Variants in MGAT4C observed in about 807,000 individuals in gnomAD.
MGAT4C encodes the protein alpha-1,3-mannosyl-glycoprotein 4-beta-N-acetylglucosaminyltransferase C.
Under a neutral mutation model 40.1 loss-of-function variants are expected in MGAT4C, and 19 were observed. The ratio of observed to expected loss-of-function variants is 0.47; its 90% CI spans 0.33 to 0.70. The LOEUF (loss-of-function observed/expected upper bound fraction) is 0.70. Ranked by LOEUF, MGAT4C falls within the 30% of genes least tolerant of loss-of-function variation. The pLI is 0.02. For synonymous variants in MGAT4C, 181 were observed against 187.1 expected, an observed-to-expected ratio of 0.97 and a Z score of 0.27; for missense variants, 491 against 563.2, an observed-to-expected ratio of 0.87 and a Z score of 1.30.
intron 1 of MGAT4C, among the ~76,000 whole-genome samples, chr12:86,082,229 A>G (rs576435245): frequency 6.6e-6 from 1 of 152,316 alleles, no homozygotes; most frequent in South Asian, 2.1e-4. Context: ...TAAACAGTCT[A>G]GATGACCTTA....
intron 3 of MGAT4C, among the ~76,000 whole-genome samples, chr12:86,430,585 T>G (rs752855750): frequency 2.0e-5 from 3 of 152,026 alleles, no homozygotes; most frequent in African/African-American, 7.2e-5. Context: ...GGCTATAAAG[T>G]GGAGTTGCTG....
At chr12:86,045,854 ATTTACC>A (rs1892353296) in intron 2 of MGAT4C, among the ~76,000 whole-genome samples, 1 of 152,200 alleles carries the variant, frequency 6.6e-6, no homozygotes, top group Non-Finnish European at 1.5e-5. Flanking sequence ...CTCAAGTAAT[ATTTACC>A]TTTTTTATTG....
At chr12:86,366,328 A>ATTAAT (rs1414544004) in intron 3 of MGAT4C, among the ~76,000 whole-genome samples, 1 of 152,234 alleles carries the variant, frequency 6.6e-6, no homozygotes, top group Non-Finnish European at 1.5e-5. Flanking sequence ...TCATCATTAA[A>ATTAAT]GAGAGAAATT....
intron 2 of MGAT4C, among the ~76,000 whole-genome samples, chr12:86,640,072 T>A (rs1001861521): frequency 1.3e-5 from 2 of 151,740 alleles, no homozygotes; most frequent in African/African-American, 4.8e-5. Context: ...TTTCTAATTA[T>A]TCAAAAAGAA....
At chr12:86,468,876 T>C (rs924433394) in intron 2 of MGAT4C, among the ~76,000 whole-genome samples, 1 of 152,178 alleles carries the variant, frequency 6.6e-6, no homozygotes, top group African/African-American at 2.4e-5. Flanking sequence ...TGTTGTAAAT[T>C]ACATTTTTAA....
chr12:86,153,457 C>A (rs982249271), intron 1 of MGAT4C, among the ~76,000 whole-genome samples: 1 of 152,130 alleles, frequency 6.6e-6, no homozygotes. Flanking sequence ...TTATAAGTTA[C>A]GAAAACAGTT....
At chr12:86,563,243 T>C (rs543822242) in intron 2 of MGAT4C, among the ~76,000 whole-genome samples, 65 of 152,232 alleles carry the variant, frequency 4.3e-4, no homozygotes, top group East Asian at 2.3e-3. Context: ...ATGGGAATAA[T>C]TGGATCCCAA....
At chr12:86,474,376 G>A (rs940600014) in intron 2 of MGAT4C, among the ~76,000 whole-genome samples, 8 of 122,458 alleles carry the variant, frequency 6.5e-5, no homozygotes, top group African/African-American at 2.4e-4. Flanking sequence ...GCTGTGGGGT[G>A]GGGGGAGGGG....
intron 1 of MGAT4C, among the ~76,000 whole-genome samples, chr12:86,194,627 TTTTTTTTTG>T (rs1235683665): frequency 6.6e-5 from 10 of 151,866 alleles, no homozygotes; most frequent in African/African-American, 2.4e-4. Flanking sequence ...ACTAATTTTT[TTTTTTTTTG>T]TATTTTTAGT....
In MGAT4C at chr12:86,512,239, G is replaced by T. The variant is rs375493037; in HGVS notation, c.-228-76974C>A. On this transcript the variant is annotated intron_variant, in intron 2 of 7. Transcript: ENST00000548651. ...ATGATATATCACCTTACACCTGTTA[G>T]GACTACCATTATTAAATAACAGATT... is the stretch of plus-strand genomic sequence containing the variant. 9.9e-5 allele frequency among the ~76,000 whole-genome samples: 15 copies of T among 152,134 alleles called. No homozygotes were observed. The South Asian group carries it at 3.1e-3, about 32-fold the overall frequency.
At chr12:86,284,563 T>C (rs1225789796) in intron 4 of MGAT4C, among the ~76,000 whole-genome samples, 1 of 152,002 alleles carries the variant, frequency 6.6e-6, no homozygotes, top group African/African-American at 2.4e-5. Flanking sequence ...CCCTTATGTT[T>C]ATTATGACTT....
At chr12:86,177,344 T>C (rs960749957) in intron 1 of MGAT4C, among the ~76,000 whole-genome samples, 5 of 152,320 alleles carry the variant, frequency 3.3e-5, no homozygotes, top group Admixed American at 6.5e-5. Context: ...ATGTATGATG[T>C]GTTTTCACTA....
chr12:86,247,414 A>C (rs1952082771), intron 1 of MGAT4C, among the ~76,000 whole-genome samples: 1 of 152,186 alleles, frequency 6.6e-6, no homozygotes, highest in Non-Finnish European at 1.5e-5. Flanking sequence ...CTGGAGGTTC[A>C]GTGCTGATTC....
In MGAT4C at chr12:85,960,512, A is replaced by G. The variant is rs1289181127; in HGVS notation, c.*18777T>C. The stretch of plus-strand genomic sequence containing the variant: ...AATTAGCATGTGACATGCTCTCAGC[A>G]AATCAATTAATCCTTCATTCTTTTT... On this transcript the variant is annotated 3_prime_UTR_variant, in exon 5 of 5. Transcript: ENST00000611864. 1.3e-5 allele frequency: 2 copies of G among 152,068 alleles called. No homozygotes were observed. Among genetic ancestry groups the G allele is most frequent in the African/African-American group, 4.8e-5 (2 of 41,460 alleles). 9.4% of individuals were successfully genotyped at this position (152,068 alleles called of 1,614,324 possible).
intron 1 of MGAT4C, among the ~76,000 whole-genome samples, chr12:86,197,966 A>T (rs1013670652): frequency 6.6e-6 from 1 of 152,194 alleles, no homozygotes; most frequent in African/African-American, 2.4e-5. Flanking sequence ...AAATTAAAAA[A>T]ATATGTCAAT....
intron 2 of MGAT4C, among the ~76,000 whole-genome samples, chr12:86,678,059 G>C (rs1366707879): frequency 6.6e-6 from 1 of 151,934 alleles, no homozygotes; most frequent in Admixed American, 6.6e-5. Context: ...AGTTCTGAAC[G>C]CACCCTGATT....
intron 1 of MGAT4C, among the ~76,000 whole-genome samples, chr12:86,240,214 A>ATATG (rs982308975): frequency 2.6e-5 from 4 of 151,100 alleles, no homozygotes; most frequent in African/African-American, 9.7e-5. Context: ...ATATATATAT[A>ATATG]TGTGTATTTT....
rs189237806 is a variant in MGAT4C, at chr12:86,222,328, G to A, written c.-57+33911C>T. Among the ~76,000 whole-genome samples, 491 of 152,252 alleles carry A rather than the reference G, an allele frequency of 3.2e-3. 3 individuals are homozygous for A. Among genetic ancestry groups the A allele is most frequent in the Admixed American group, 5.0e-3 (76 of 15,296 alleles). ...TACAGGCTTTCGAACTAAACAATGA[G>A]CTTTAGTTAACTGAAAATCAAATTC... On this transcript the variant is annotated intron_variant, in intron 1 of 4. Transcript: ENST00000611864.
At chr12:86,295,531 A>C (rs906014053) in intron 4 of MGAT4C, among the ~76,000 whole-genome samples, 1 of 152,158 alleles carries the variant, frequency 6.6e-6, no homozygotes, top group Non-Finnish European at 1.5e-5. Flanking sequence ...AGCAGTAGCA[A>C]GATTTATTGC....
Sources: gnomAD v4.1 joint callset for allele counts (sites outside exome capture counted in the v4.1 genomes callset) on GRCh38, gnomAD v4.1.1 for gene constraint, MANE v1.5 for transcripts, NCBI Gene and HGNC (gene_info 2026-07-23, HGNC 2026-07-21) for gene names.